Variants in SCIN observed in about 807,000 individuals in gnomAD.
SCIN encodes scinderin.
In SCIN, 91 loss-of-function variants were observed where a neutral mutation model predicts 91.8. The observed-to-expected ratio is 0.99, with a 90% CI of 0.84 to 1.18. The LOEUF is 1.18. SCIN is among the 50% of genes most tolerant of loss of function. SCIN has a pLI of 0.00. For missense variants in SCIN, 1,087 were observed against 863.9 expected (o/e 1.26, Z -3.24); for synonymous variants, 367 against 312.6 (o/e 1.17, Z -1.84).
chr7:12,574,744 T>C (rs761102086), intron 1 of SCIN, among the ~76,000 whole-genome samples: 49 of 152,248 alleles, frequency 3.2e-4, no homozygotes, highest in South Asian at 8.3e-4. Flanking sequence ...ACGTTAGCTA[T>C]GTAGTAAACC....
intron 2 of SCIN, among the ~76,000 whole-genome samples, chr7:12,579,562 A>G (rs749077812): frequency 1.3e-5 from 2 of 152,202 alleles, no homozygotes; most frequent in Non-Finnish European, 2.9e-5. Context: ...GTTTCCCCAA[A>G]CAATGAATAT....
At chr7:12,633,649 G>A (rs1418347708) in intron 9 of SCIN, among the ~76,000 whole-genome samples, 1 of 152,192 alleles carries the variant, frequency 6.6e-6, no homozygotes, top group Non-Finnish European at 1.5e-5. Context: ...AGGTAATATT[G>A]TCTGTTCGGT....
At position 12,607,805 on chromosome 7, in the gene SCIN, G is replaced by C. The variant is rs540076732; in HGVS notation, c.666+3142G>C. On this transcript the variant is annotated intron_variant, in intron 4 of 15. Coordinates refer to ENST00000297029, the MANE Select transcript of SCIN (RefSeq NM_001112706.3). ...TGATTACAAGAAAGAGTAATTATTT[G>C]ATTAATTAATTGAGCACCTATAACA... is the stretch of plus-strand genomic sequence containing the variant. Among the ~76,000 whole-genome samples, 13 of 152,258 alleles carry C rather than the reference G, an allele frequency of 8.5e-5. No homozygotes were observed. The South Asian group carries it at 2.7e-3, about 32-fold the overall frequency.
At chr7:12,644,789 GC>G (rs1377916470) in intron 13 of SCIN, 84 bp downstream of exon 13, 34 of 1,379,900 alleles carry the variant, frequency 2.5e-5, no homozygotes, top group Non-Finnish European at 6.9e-6. Flanking sequence ...GCCGAGGCAG[GC>G]AGATCACCTG....
At chr7:12,610,144 T>G (rs539171620) in intron 4 of SCIN, among the ~76,000 whole-genome samples, 1 of 152,218 alleles carries the variant, frequency 6.6e-6, no homozygotes, top group Non-Finnish European at 1.5e-5. Flanking sequence ...TGTTAGCATA[T>G]AGTCTAGATT....
intron 1 of SCIN, among the ~76,000 whole-genome samples, chr7:12,573,798 C>T (rs1212092601): frequency 6.6e-6 from 1 of 152,146 alleles, no homozygotes; most frequent in Non-Finnish European, 1.5e-5. Flanking sequence ...TATTTTAAAG[C>T]AGTATACATT....
rs1248317337 is a variant in SCIN at position 12,656,582 on chromosome 7, C to G, written c.*3867C>G. On this transcript the variant is annotated 3_prime_UTR_variant, in exon 16 of 16. Coordinates refer to ENST00000297029, the MANE Select transcript of SCIN (RefSeq NM_001112706.3). ...TAAAACGGACAACTCAGAGAAAAAA[C>G]TGGCTTATAAATGCACTTCACAAAA... The G allele has an allele frequency of 6.6e-6, 1 of 152,128 alleles. No individual in the cohort carries two copies. Among genetic ancestry groups the G allele is most frequent in the African/African-American group, 2.4e-5 (1 of 41,418 alleles). 9.4% of individuals were successfully genotyped at this position (152,128 alleles called of 1,614,324 possible).
chr7:12,610,424 A>C (rs1160027081), intron 4 of SCIN, among the ~76,000 whole-genome samples: 1 of 152,250 alleles, frequency 6.6e-6, no homozygotes, highest in Non-Finnish European at 1.5e-5. Context: ...ACTTTGCAAA[A>C]TAAAATTTAT....
At chr7:12,633,799 C>T (rs1783693532) in intron 9 of SCIN, among the ~76,000 whole-genome samples, 1 of 152,164 alleles carries the variant, frequency 6.6e-6, no homozygotes, top group South Asian at 2.1e-4. Flanking sequence ...CATCATCATG[C>T]AGCTCTGTGT....
intron 4 of SCIN, among the ~76,000 whole-genome samples, chr7:12,609,189 A>G (rs1042644199): frequency 6.6e-6 from 1 of 152,180 alleles, no homozygotes; most frequent in African/African-American, 2.4e-5. Flanking sequence ...CTGTCTGGGG[A>G]AACAGGATGT....
chr7:12,635,333 T>A lies in SCIN; in HGVS notation c.1320-712T>A, dbSNP rs183856508. On this transcript the variant is annotated intron_variant, in intron 9 of 15. Transcript: ENST00000297029. ...ATTCATAGAAAGACAAAATGCTGGC[T>A]GGGCGCGGTGGCTCATGCCTGTAAT... 1.1e-3 allele frequency among the ~76,000 whole-genome samples: 170 copies of A among 150,342 alleles called. 1 individual carries two copies. The highest frequency in any genetic ancestry group is 3.9e-3 in the African/African-American group (160 of 40,966).
At chr7:12,614,022 T>C (rs1484285637) in intron 4 of SCIN, among the ~76,000 whole-genome samples, 1 of 152,202 alleles carries the variant, frequency 6.6e-6, no homozygotes, top group African/African-American at 2.4e-5. Flanking sequence ...TGAAATCTGC[T>C]GTCAAAAATA....
At chr7:12,588,191 T>G (rs1486678961) in intron 3 of SCIN, among the ~76,000 whole-genome samples, 1 of 152,210 alleles carries the variant, frequency 6.6e-6, no homozygotes, top group African/African-American at 2.4e-5. Flanking sequence ...ATGGGAAAGA[T>G]ACACCAAATC....
At chr7:12,603,679 A>G (rs1417895405) in intron 3 of SCIN, among the ~76,000 whole-genome samples, 2 of 152,158 alleles carry the variant, frequency 1.3e-5, no homozygotes, top group Non-Finnish European at 2.9e-5. Context: ...TCTAAAATAT[A>G]TAGTAGTTTA....
At chr7:12,599,370 A>AGTGTGTGT (rs10659954) in intron 3 of SCIN, among the ~76,000 whole-genome samples, 62 of 149,332 alleles carry the variant, frequency 4.2e-4, no homozygotes, top group East Asian at 3.0e-3. Flanking sequence ...TTTCATGGTG[A>AGTGTGTGT]GTGTGTGTGT....
chr7:12,640,526 A>T lies in SCIN; in HGVS notation c.1581+9A>T. ...TCACCAGAATTGTGGAGGTAATGTC[A>T]TGCATTCCATAAAACATGCCCTAGT... is the stretch of plus-strand genomic sequence containing the variant. On this transcript the variant is annotated intron_variant, in intron 11 of 15. Coordinates refer to ENST00000297029, the MANE Select transcript of SCIN (RefSeq NM_001112706.3). The T allele has an allele frequency of 6.3e-7, 1 of 1,600,000 alleles. No homozygotes were observed. Among genetic ancestry groups the T allele is most frequent in the Non-Finnish European group, 8.5e-7 (1 of 1,173,806 alleles).
intron 3 of SCIN, among the ~76,000 whole-genome samples, chr7:12,598,478 C>T (rs1045628887): frequency 1.3e-5 from 2 of 152,146 alleles, no homozygotes; most frequent in South Asian, 2.1e-4. Context: ...CCTAAACACA[C>T]TATCCACACA....
chr7:12,622,085 A>G (rs139278774), intron 4 of SCIN, among the ~76,000 whole-genome samples: 1 of 152,058 alleles, frequency 6.6e-6, no homozygotes, highest in Non-Finnish European at 1.5e-5. Context: ...TTAATTAATA[A>G]ATTAATTAAG....
intron 3 of SCIN, among the ~76,000 whole-genome samples, chr7:12,590,229 A>G (rs73680873): frequency 0.057 from 8,613 of 152,282 alleles, 321 homozygotes; most frequent in East Asian, 0.17. Flanking sequence ...CACCTAGAGA[A>G]GGTGTCTATA....
Sources: gnomAD v4.1 joint callset for allele counts (sites outside exome capture counted in the v4.1 genomes callset) on GRCh38, gnomAD v4.1.1 for gene constraint, MANE v1.5 for transcripts, NCBI Gene and HGNC (gene_info 2026-07-23, HGNC 2026-07-21) for gene names.